The following ROBO2 variants were observed in gnomAD, a reference collection of about 807,000 sequenced individuals.
ROBO2 encodes the protein roundabout guidance receptor 2, also known as roundabout homolog 2.
Under a neutral mutation model 160.8 loss-of-function variants are expected in ROBO2, and 53 were observed. The ratio of observed to expected loss-of-function variants is 0.33; its 90% CI spans 0.26 to 0.41. ROBO2 has a LOEUF of 0.41. Ranked by LOEUF, ROBO2 falls within the 10% of genes least tolerant of loss-of-function variation. The pLI, the probability that ROBO2 is intolerant of heterozygous loss-of-function variation, is 1.00. For missense variants in ROBO2, 1,577 were observed against 1,722.4 expected, an observed-to-expected ratio of 0.92 and a Z score of 1.49; for synonymous variants, 664 against 611.7, an observed-to-expected ratio of 1.09 and a Z score of -1.26.
At chr3:76,577,330 C>A (rs2085372953) in intron 2 of ROBO2, among the ~76,000 whole-genome samples, 1 of 151,948 alleles carries the variant, frequency 6.6e-6, no homozygotes. Context: ...CCATACCCAG[C>A]TCCATAATAA....
intron 2 of ROBO2, among the ~76,000 whole-genome samples, chr3:75,957,936 T>C (rs1948778755): frequency 6.6e-6 from 1 of 151,712 alleles, no homozygotes; most frequent in Admixed American, 6.6e-5. Flanking sequence ...TTAACTGATG[T>C]GTTCACCCTC....
intron 2 of ROBO2, among the ~76,000 whole-genome samples, chr3:76,186,015 C>T (rs1398145050): frequency 1.3e-5 from 2 of 150,532 alleles, no homozygotes; most frequent in African/African-American, 2.4e-5. Flanking sequence ...CTCACTGCAG[C>T]ATCAAGCTCC....
intron 2 of ROBO2, among the ~76,000 whole-genome samples, chr3:76,543,590 C>T (rs1353026573): frequency 6.6e-6 from 1 of 152,108 alleles, no homozygotes. Context: ...TTTGCTAGCT[C>T]TATAACTGCG....
chr3:76,308,633 T>A (rs574661150), intron 2 of ROBO2, among the ~76,000 whole-genome samples: 1 of 152,278 alleles, frequency 6.6e-6, no homozygotes, highest in South Asian at 2.1e-4. Context: ...CTCTTGTTTA[T>A]TCCATTTGCT....
At chr3:76,196,345 G>T (rs1702260120) in intron 2 of ROBO2, among the ~76,000 whole-genome samples, 1 of 151,998 alleles carries the variant, frequency 6.6e-6, no homozygotes, top group Admixed American at 6.6e-5. Context: ...AAAAGAATAA[G>T]TATTCCTATT....
At chr3:76,523,318 C>T (rs1228970209) in intron 2 of ROBO2, among the ~76,000 whole-genome samples, 5 of 152,014 alleles carry the variant, frequency 3.3e-5, no homozygotes, top group South Asian at 2.1e-4. Flanking sequence ...GGCTTTTAAT[C>T]GACTTTTCCC....
intron 2 of ROBO2, among the ~76,000 whole-genome samples, chr3:76,410,259 T>C (rs3849484): frequency 0.74 from 111,924 of 151,890 alleles, 42,343 homozygotes; most frequent in African/African-American, 0.93. Context: ...CTGTATTCTG[T>C]GATTAATCAG....
intron 2 of ROBO2, among the ~76,000 whole-genome samples, chr3:75,999,353 G>A (rs898314109): frequency 2.0e-5 from 3 of 152,092 alleles, no homozygotes; most frequent in African/African-American, 7.2e-5. Context: ...AACATTAAAT[G>A]TCCCCCAAAT....
rs1331669053 is a variant in ROBO2, at chr3:76,436,683, GAAAAAAGA to G, written c.109+499093_109+499100del. On this transcript the variant is annotated intron_variant, in intron 2 of 26. Transcript: ENST00000487694. ...ATAAAGTTAATACCAAACTTGAAAA[GAAAAAAGA>G]AAAAAAGAAAATTAAGAGAAATCCC... is the stretch of plus-strand genomic sequence containing the variant. Among the ~76,000 whole-genome samples the G allele has an allele frequency of 3.3e-5, 5 of 151,360 alleles. No individual in the cohort carries two copies. The East Asian group carries it at 7.8e-4, about 23-fold the overall frequency.
intron 2 of ROBO2, among the ~76,000 whole-genome samples, chr3:76,641,505 A>G (rs1408274337): frequency 6.6e-6 from 1 of 152,200 alleles, no homozygotes; most frequent in African/African-American, 2.4e-5. Flanking sequence ...CATGAAGGAC[A>G]AGGAAGGACT....
At chr3:76,999,424 A>G (rs6799348) in intron 2 of ROBO2, among the ~76,000 whole-genome samples, 149,486 of 152,196 alleles carry the variant, frequency 0.98, 73,439 homozygotes, top group Middle Eastern at 1. Flanking sequence ...AGAGAAAAAT[A>G]TCCAACATGC....
Position 77,153,241 on chromosome 3 carries a change from G to A in ROBO2, c.388+54901G>A, listed in dbSNP as rs183136714. Among the ~76,000 whole-genome samples, 94 of 152,132 alleles carry A rather than the reference G, an allele frequency of 6.2e-4. No homozygotes were observed. The Middle Eastern group carries it at 0.014, about 22-fold the overall frequency. ...TGGGCCAGAGATTTTCTTGCAGGAC[G>A]TTGTTTTGGTTATGAATTCAATATC... On this transcript the variant is annotated intron_variant, in intron 2 of 25. Transcript: ENST00000461745.
At chr3:76,559,996 A>C (rs558803295) in intron 2 of ROBO2, among the ~76,000 whole-genome samples, 1 of 152,120 alleles carries the variant, frequency 6.6e-6, no homozygotes, top group Non-Finnish European at 1.5e-5. Context: ...TCCTTAGAGC[A>C]ATGCAATGCA....
chr3:76,971,137 C>T (rs116102331), intron 2 of ROBO2, among the ~76,000 whole-genome samples: 5,883 of 152,094 alleles, frequency 0.039, 391 homozygotes, highest in African/African-American at 0.13. Flanking sequence ...CAATAAACTA[C>T]GCTAGAAAAA....
chr3:76,118,834 A>G (rs1291446984), intron 2 of ROBO2, among the ~76,000 whole-genome samples: 1 of 152,172 alleles, frequency 6.6e-6, no homozygotes. Flanking sequence ...TTCTAGTACT[A>G]CCATCAGTAA....
At chr3:77,513,617 GGGTTT>G (rs1297335327) in intron 5 of ROBO2, among the ~76,000 whole-genome samples, 1 of 151,732 alleles carries the variant, frequency 6.6e-6, no homozygotes, top group Non-Finnish European at 1.5e-5. Flanking sequence ...TGCAAACTGT[GGGTTT>G]TAAGTATTAA....
intron 2 of ROBO2, among the ~76,000 whole-genome samples, chr3:77,127,642 A>T (rs923770828): frequency 1.3e-5 from 2 of 152,194 alleles, no homozygotes; most frequent in East Asian, 3.9e-4. Context: ...AGTAAACTTA[A>T]AAAAGGTGTT....
At chr3:76,434,856 C>G (rs2076598085) in intron 2 of ROBO2, 2 of 1,580,148 alleles carry the variant, frequency 1.3e-6, no homozygotes, top group South Asian at 1.1e-5. Context: ...GAACCCTGCC[C>G]TGAAGGCTCA....
intron 2 of ROBO2, among the ~76,000 whole-genome samples, chr3:76,598,640 A>G (rs902350362): frequency 3.9e-5 from 6 of 152,284 alleles, no homozygotes; most frequent in African/African-American, 1.4e-4. Flanking sequence ...AAAAATTTCA[A>G]TTAAGCGTGT....
Sources: gnomAD v4.1 joint callset for allele counts (sites outside exome capture counted in the v4.1 genomes callset) on GRCh38, gnomAD v4.1.1 for gene constraint, MANE v1.5 for transcripts, NCBI Gene and HGNC (gene_info 2026-07-23, HGNC 2026-07-21) for gene names.